Variants in BTG4 observed in about 807,000 individuals in gnomAD.
BTG4 encodes protein BTG4.
A neutral mutation model predicts 19.3 loss-of-function variants in BTG4; 10 were observed. That is an observed-to-expected ratio of 0.52 (90% CI 0.32 to 0.88). The LOEUF (loss-of-function observed/expected upper bound fraction) is 0.88. Ranked by LOEUF, BTG4 falls within the 40% of genes least tolerant of loss-of-function variation. The probability of loss-of-function intolerance (pLI) is 0.04; values close to 1 mark genes in which losing one functional copy is unlikely to be tolerated. For missense variants in BTG4, 238 were observed against 281.9 expected, an observed-to-expected ratio of 0.84 and a Z score of 1.11; for synonymous variants, 91 against 95.7, an observed-to-expected ratio of 0.95 and a Z score of 0.29.
chr11:111,386,986 G>A, the BTG4 span, among the ~76,000 whole-genome samples: 1 of 152,210 alleles, frequency 6.6e-6, no homozygotes, highest in African/African-American at 2.4e-5. Flanking sequence ...TGCTAGCAGT[G>A]TGGCCTTGGT....
At chr11:111,397,151 T>C in the BTG4 span, 2 of 152,174 alleles carry the variant, frequency 1.3e-5, no homozygotes, top group Admixed American at 6.5e-5. Context: ...ATGACACCCA[T>C]CTCCTGACTG....
At chr11:111,436,776 T>C in the BTG4 span, among the ~76,000 whole-genome samples, 298 of 152,252 alleles carry the variant, frequency 2.0e-3, no homozygotes, top group African/African-American at 5.2e-3. Context: ...CCCCTTCACC[T>C]TCCCGCGCCT....
At chr11:111,413,209 A>G in the BTG4 span, among the ~76,000 whole-genome samples, 3 of 152,234 alleles carry the variant, frequency 2.0e-5, no homozygotes, top group Non-Finnish European at 4.4e-5. Context: ...CACTCGAGTG[A>G]GTCATGGAAA....
chr11:111,461,538 C>T, the BTG4 span, among the ~76,000 whole-genome samples: 8 of 152,122 alleles, frequency 5.3e-5, no homozygotes, highest in South Asian at 2.1e-4. Flanking sequence ...CTGGCCAACA[C>T]GGTGAAACCC....
chr11:111,408,144 A>T, the BTG4 span, among the ~76,000 whole-genome samples: 3 of 152,360 alleles, frequency 2.0e-5, no homozygotes, highest in South Asian at 6.2e-4. Flanking sequence ...CATAGATGCA[A>T]GTCCCAGAGG....
chr11:111,458,263 A>G, the BTG4 span: 2 of 151,962 alleles, frequency 1.3e-5, no homozygotes, highest in African/African-American at 2.4e-5. Flanking sequence ...TCAGGCCCCG[A>G]TATCTCGGGC....
chr11:111,503,557 A>G (rs1362661256), intron 1 of BTG4, among the ~76,000 whole-genome samples: 1 of 152,056 alleles, frequency 6.6e-6, no homozygotes, highest in Non-Finnish European at 1.5e-5. Flanking sequence ...TGAACTATCC[A>G]TAGTAGAGCA....
downstream of BTG4, among the ~76,000 whole-genome samples, chr11:111,492,498 T>C (rs1449743079): frequency 6.6e-6 from 1 of 152,208 alleles, no homozygotes; most frequent in East Asian, 1.9e-4. Context: ...GAGAGAATGA[T>C]CAACCAACAA....
the BTG4 span, chr11:111,451,472 A>T: frequency 2.3e-6 from 1 of 433,460 alleles, no homozygotes; most frequent in South Asian, 1.6e-5. Flanking sequence ...CTCTTTAAAA[A>T]ATACTGCTGC....
At chr11:111,434,218 C>T in the BTG4 span, among the ~76,000 whole-genome samples, 1 of 152,118 alleles carries the variant, frequency 6.6e-6, no homozygotes, top group East Asian at 1.9e-4. Flanking sequence ...TACTATGCAG[C>T]CATAAAAAAA....
At chr11:111,451,522 T>C in the BTG4 span, 8 of 384,546 alleles carry the variant, frequency 2.1e-5, no homozygotes, top group Admixed American at 4.9e-5. Context: ...TCCCAGCACT[T>C]TGGGAGGCCA....
intron 5 of BTG4, among the ~76,000 whole-genome samples, chr11:111,481,487 G>C (rs1864738395): frequency 6.6e-6 from 1 of 151,640 alleles, no homozygotes; most frequent in African/African-American, 2.4e-5. Flanking sequence ...TATATTTATA[G>C]TATTACTCTG....
chr11:111,400,373 A>G, the BTG4 span, among the ~76,000 whole-genome samples: 1 of 152,340 alleles, frequency 6.6e-6, no homozygotes, highest in East Asian at 1.9e-4. Context: ...TTTACAAATA[A>G]CAAGAACTTT....
intron 1 of BTG4, among the ~76,000 whole-genome samples, chr11:111,510,139 T>C (rs1866774521): frequency 3.3e-5 from 5 of 152,038 alleles, no homozygotes; most frequent in Admixed American, 2.6e-4. Flanking sequence ...CTCTATCTCT[T>C]GACCTCGTGA....
chr11:111,506,714 AG>A (rs1866478091), intron 1 of BTG4, among the ~76,000 whole-genome samples: 1 of 152,178 alleles, frequency 6.6e-6, no homozygotes, highest in Non-Finnish European at 1.5e-5. Context: ...TATATGTATC[AG>A]CACTCTATAC....
intron 1 of BTG4, chr11:111,507,893 T>C (rs947929428): frequency 6.6e-6 from 1 of 152,188 alleles, no homozygotes; most frequent in Non-Finnish European, 1.5e-5. Context: ...AGCAGACCTT[T>C]CTTGGAGAAC....
intron 5 of BTG4, among the ~76,000 whole-genome samples, chr11:111,471,312 T>G (rs186144835): frequency 8.5e-5 from 13 of 152,306 alleles, no homozygotes; most frequent in Non-Finnish European, 1.8e-4. Flanking sequence ...CATCATTGAA[T>G]CTCTATTAGT....
At chr11:111,393,925 A>C in the BTG4 span, among the ~76,000 whole-genome samples, 1 of 152,362 alleles carries the variant, frequency 6.6e-6, no homozygotes, top group South Asian at 2.1e-4. Flanking sequence ...CTGGGTTCAA[A>C]TCTCAGGTCT....
chr11:111,489,556 G>A (rs1402453489), intron 5 of BTG4, among the ~76,000 whole-genome samples: 1 of 152,040 alleles, frequency 6.6e-6, no homozygotes, highest in African/African-American at 2.4e-5. Flanking sequence ...CAGATGAATG[G>A]ATAAAGAAAA....
Sources: gnomAD v4.1 joint callset for allele counts (sites outside exome capture counted in the v4.1 genomes callset) on GRCh38, gnomAD v4.1.1 for gene constraint, MANE v1.5 for transcripts, NCBI Gene and HGNC (gene_info 2026-07-23, HGNC 2026-07-21) for gene names.